Variants in LHPP observed in about 807,000 individuals in gnomAD.
LHPP encodes hLHPP.
Under a neutral mutation model 30.3 loss-of-function variants are expected in LHPP, and 24 were observed. That is an observed-to-expected ratio of 0.79 (90% confidence interval 0.57 to 1.11). The LOEUF is 1.11. Ranked by LOEUF, LHPP falls within the 50% of genes most tolerant of loss-of-function variation. The pLI is 0.00. For missense variants in LHPP, 356 were observed against 367.2 expected, an observed-to-expected ratio of 0.97 and a Z score of 0.25; for synonymous variants, 150 against 157.1, an observed-to-expected ratio of 0.95 and a Z score of 0.34.
chr10:124,488,225 C>G (rs972684693), intron 2 of LHPP, among the ~76,000 whole-genome samples, 197 bp from the exon 3 acceptor site: 4 of 152,176 alleles, frequency 2.6e-5, no homozygotes, highest in African/African-American at 9.7e-5. Flanking sequence ...TAAGCCCTCT[C>G]TGAGGAGCCG....
At chr10:124,486,687 C>T (rs1953337093) in intron 2 of LHPP, among the ~76,000 whole-genome samples, 1 of 152,232 alleles carries the variant, frequency 6.6e-6, no homozygotes, top group Non-Finnish European at 1.5e-5. Context: ...TAGACATTAG[C>T]ACCTGTGTGA....
chr10:124,488,949 A>G (rs1047249017), intron 3 of LHPP, among the ~76,000 whole-genome samples: 2 of 152,146 alleles, frequency 1.3e-5, no homozygotes, highest in African/African-American at 2.4e-5. Context: ...GTGTTGGAGA[A>G]TGCTCTCAAG....
At chr10:124,477,516 C>T (rs947978213) in intron 1 of LHPP, among the ~76,000 whole-genome samples, 17 of 152,168 alleles carry the variant, frequency 1.1e-4, no homozygotes, top group African/African-American at 3.9e-4. Context: ...ACCCTCCACC[C>T]CTTTGCCCTG....
intron 6 of LHPP, among the ~76,000 whole-genome samples, chr10:124,597,310 T>C (rs1410490116): frequency 6.6e-6 from 1 of 152,182 alleles, no homozygotes; most frequent in Non-Finnish European, 1.5e-5. Context: ...GTCTTTTCCC[T>C]CTGGGGAGCC....
At position 124,496,895 on chromosome 10, in the gene LHPP, A is replaced by C; in HGVS notation, c.468-66A>C. 6.9e-7 allele frequency: 1 copy of C among 1,456,310 alleles called. No homozygotes were observed. The allele number at this position is 1,456,310 out of a possible 1,614,324, so 90.2% of individuals were successfully genotyped here. ...GGACAGGCCCGGTGCTCAGCTCCCG[A>C]TACTTAGCATCCTGCGGTCAGCTCC... On this transcript the variant is annotated intron_variant, in intron 3 of 6. Coordinates refer to ENST00000368842, the MANE Select transcript of LHPP (RefSeq NM_022126.4). The surrounding 1 kb of genome is among the most constrained non-coding windows in gnomAD (Gnocchi z 4.3).
chr10:124,463,768 A>G (rs1952472193), intron 1 of LHPP, among the ~76,000 whole-genome samples: 1 of 151,266 alleles, frequency 6.6e-6, no homozygotes, highest in South Asian at 2.1e-4. Context: ...TTGGTCTCCC[A>G]AAGTGCTAGG....
intron 5 of LHPP, among the ~76,000 whole-genome samples, chr10:124,507,168 C>G (rs1445443850): frequency 5.6e-5 from 3 of 53,458 alleles, no homozygotes; most frequent in South Asian, 9.7e-4. Context: ...GGAGGGTAGG[C>G]AGGATTTCAG....
chr10:124,547,041 G>GCA lies in LHPP; in HGVS notation c.716+29771_716+29772insAC, dbSNP rs1182701219. ...TTTCTGCACACACACACGCACACGC[G>GCA]CGCACACACACAGGAGGTTGTCCTG... On this transcript the variant is annotated intron_variant, in intron 6 of 6. Transcript: ENST00000368842. Among the ~76,000 whole-genome samples, 22 of 18,688 alleles carry GCA rather than the reference G, an allele frequency of 1.2e-3. No homozygotes were observed. The Admixed American group carries it at 0.013, about 11-fold the overall frequency. 12.3% of individuals were successfully genotyped at this position (18,688 alleles called of 152,430 possible). A position where few individuals can be genotyped will look rare whatever the true frequency, so the allele number is the denominator to read the frequency against.
At chr10:124,469,588 C>T (rs892748621) in intron 1 of LHPP, among the ~76,000 whole-genome samples, 7 of 151,956 alleles carry the variant, frequency 4.6e-5, no homozygotes, top group South Asian at 2.1e-4. Flanking sequence ...AAAATGTTGC[C>T]GAGCCCTCAT....
chr10:124,541,870 C>A lies in LHPP; in HGVS notation c.716+24599C>A, dbSNP rs932119903. On this transcript the variant is annotated intron_variant, in intron 6 of 6. Transcript: ENST00000368842. The surrounding 1 kb of genome is among the most constrained non-coding windows in gnomAD (Gnocchi z 4.2). Reference sequence around the variant, plus strand: ...GACCTTTCCTTCACCCCTACTTCCCCACTGCAAGGGTGCTGCCTCCCCAGC... The same window carrying A: ...GACCTTTCCTTCACCCCTACTTCCCAACTGCAAGGGTGCTGCCTCCCCAGC... Among the ~76,000 whole-genome samples, 2 of 152,128 alleles carry A rather than the reference C, an allele frequency of 1.3e-5. No homozygotes were observed. The highest frequency in any genetic ancestry group is 1.3e-4 in the Admixed American group (2 of 15,284).
chr10:124,602,078 G>A (rs908966941), intron 6 of LHPP, among the ~76,000 whole-genome samples: 7 of 152,196 alleles, frequency 4.6e-5, no homozygotes, highest in Non-Finnish European at 1.0e-4. Context: ...AGGCCTCCGG[G>A]TCTAGCCAGA....
chr10:124,527,123 C>G (rs1184157837), intron 6 of LHPP, among the ~76,000 whole-genome samples: 6 of 152,264 alleles, frequency 3.9e-5, no homozygotes, highest in Admixed American at 3.9e-4. Flanking sequence ...CAGGGCTGGC[C>G]TCTGCCTTTC....
intron 5 of LHPP, among the ~76,000 whole-genome samples, chr10:124,503,472 C>G (rs1039850380): frequency 5.3e-5 from 8 of 152,000 alleles, no homozygotes; most frequent in African/African-American, 1.2e-4. Context: ...GACCAAAATA[C>G]TGTATTTAAA....
intron 6 of LHPP, among the ~76,000 whole-genome samples, chr10:124,564,125 A>AAT (rs1948449447): frequency 8.1e-6 from 1 of 123,960 alleles, no homozygotes; most frequent in Admixed American, 8.2e-5. Flanking sequence ...TTAAAAAAAA[A>AAT]TTTTTTTTTT....
chr10:124,514,022 G>A (rs535240491), intron 5 of LHPP, among the ~76,000 whole-genome samples: 9 of 152,310 alleles, frequency 5.9e-5, no homozygotes, highest in African/African-American at 1.4e-4. Context: ...TTTGCTGAGC[G>A]TCAACCAAGT....
rs941481319 is a variant in LHPP at position 124,509,255 on chromosome 10, GA to G, written c.625-7923del. ...TTTGTGCTTATTGAAGCACTTTAACGAAGCAGTTTTCACAGCTGCATACTAT... is the reference window on the plus strand; with the variant it reads ...TTTGTGCTTATTGAAGCACTTTAACGAGCAGTTTTCACAGCTGCATACTAT... On this transcript the variant is annotated intron_variant, in intron 5 of 6. Coordinates refer to ENST00000368842, the MANE Select transcript of LHPP (RefSeq NM_022126.4). Among the ~76,000 whole-genome samples the G allele has an allele frequency of 3.4e-4, 52 of 152,272 alleles. 1 individual carries two copies. The highest frequency in any genetic ancestry group is 1.2e-3 in the African/African-American group (50 of 41,552).
At chr10:124,569,184 A>G (rs1199693965) in intron 6 of LHPP, among the ~76,000 whole-genome samples, 1 of 152,156 alleles carries the variant, frequency 6.6e-6, no homozygotes, top group Non-Finnish European at 1.5e-5. Context: ...TTCTGCCCAG[A>G]GGGAGCTGCT....
chr10:124,593,841 C>T lies in LHPP; in HGVS notation c.717-19423C>T, dbSNP rs768372191. Among the ~76,000 whole-genome samples, 10 of 152,236 alleles carry T rather than the reference C, an allele frequency of 6.6e-5. No homozygotes were observed. Among genetic ancestry groups the T allele is most frequent in the Non-Finnish European group, 1.5e-4 (10 of 68,032 alleles). On this transcript the variant is annotated intron_variant, in intron 6 of 6. Transcript: ENST00000368842. The surrounding 1 kb of genome is among the most constrained non-coding windows in gnomAD (Gnocchi z 4.9). ...CTCCATAAGGTACTGATATGGTCTG[C>T]GGAGCAGGTGGCATTTGCCATGCCT...
chr10:124,565,990 C>G (rs1263235061), intron 6 of LHPP, among the ~76,000 whole-genome samples: 1 of 152,246 alleles, frequency 6.6e-6, no homozygotes, highest in Non-Finnish European at 1.5e-5. Flanking sequence ...AGGGCCTTTG[C>G]CGAGGTGGGC....
Sources: gnomAD v4.1 joint callset for allele counts (sites outside exome capture counted in the v4.1 genomes callset) on GRCh38, gnomAD v4.1.1 for gene constraint, Gnocchi (gnomAD v3.1) non-coding constraint, MANE v1.5 for transcripts, NCBI Gene and HGNC (gene_info 2026-07-23, HGNC 2026-07-21) for gene names.